Variants in AGBL3 observed in about 807,000 individuals in gnomAD.
AGBL3 encodes cytosolic carboxypeptidase 3.
Under a neutral mutation model 94.5 loss-of-function variants are expected in AGBL3, and 68 were observed. The ratio of observed to expected loss-of-function variants is 0.72; its 90% CI spans 0.59 to 0.88. The LOEUF is 0.88. AGBL3 is among the 40% of genes least tolerant of loss of function. AGBL3 has a pLI of 0.00. For missense variants in AGBL3, 934 were observed against 1,103.8 expected (o/e 0.85, Z 2.18); for synonymous variants, 354 against 370.7 (o/e 0.95, Z 0.52).
At chr7:135,119,496 CTGGGATTA>C (rs2117226760) in intron 16 of AGBL3, among the ~76,000 whole-genome samples, 1 of 151,864 alleles carries the variant, frequency 6.6e-6, no homozygotes, top group Non-Finnish European at 1.5e-5. Context: ...TCCCAAAGTG[CTGGGATTA>C]CAGGCATGAG....
chr7:135,116,561 G>T, intron 16 of AGBL3, among the ~76,000 whole-genome samples: 1 of 152,274 alleles, frequency 6.6e-6, no homozygotes, highest in South Asian at 2.1e-4. Context: ...ATTGAGTATG[G>T]AAATCTCGGC....
At chr7:135,007,121 C>T (rs2133440677) in intron 4 of AGBL3, among the ~76,000 whole-genome samples, 1 of 151,800 alleles carries the variant, frequency 6.6e-6, no homozygotes, top group East Asian at 1.9e-4. Context: ...GAACATTCTA[C>T]CAAACAATTC....
intron 16 of AGBL3, among the ~76,000 whole-genome samples, chr7:135,123,093 G>A (rs570262326): frequency 1.6e-4 from 25 of 152,174 alleles, no homozygotes; most frequent in Admixed American, 7.2e-4. Context: ...AATAAAAAAC[G>A]GCTCTGAGCT....
intron 11 of AGBL3, among the ~76,000 whole-genome samples, chr7:135,057,383 GA>G (rs1190801766): frequency 4.0e-5 from 6 of 151,312 alleles, no homozygotes; most frequent in African/African-American, 9.7e-5. Flanking sequence ...ATCCATGAAA[GA>G]AAAAAATTAG....
intron 5 of AGBL3, among the ~76,000 whole-genome samples, chr7:135,027,647 T>C (rs905542499): frequency 1.5e-4 from 23 of 151,626 alleles, no homozygotes; most frequent in African/African-American, 4.8e-4. Context: ...TCTCAATGAA[T>C]ATAGAATTCT....
intron 16 of AGBL3, among the ~76,000 whole-genome samples, chr7:135,123,424 G>C (rs1035101801): frequency 1.3e-5 from 2 of 152,150 alleles, no homozygotes; most frequent in Non-Finnish European, 1.5e-5. Flanking sequence ...ATTGATCAGA[G>C]TACCTGAGGG....
At chr7:135,073,290 AC>A (rs1451038807) in intron 12 of AGBL3, among the ~76,000 whole-genome samples, 2 of 151,726 alleles carry the variant, frequency 1.3e-5, no homozygotes, top group Admixed American at 6.6e-5. Context: ...ACATAGTGAA[AC>A]CCCGTCTCTA....
At chr7:135,119,179 G>T (rs1312416863) in intron 16 of AGBL3, among the ~76,000 whole-genome samples, 1 of 151,714 alleles carries the variant, frequency 6.6e-6, no homozygotes, top group African/African-American at 2.4e-5. Flanking sequence ...AAGCTGAGCA[G>T]ACCATTAATA....
intron 5 of AGBL3, among the ~76,000 whole-genome samples, chr7:135,027,934 T>G (rs1325196284): frequency 6.6e-6 from 1 of 151,708 alleles, no homozygotes; most frequent in Non-Finnish European, 1.5e-5. Context: ...TCCAGACCAC[T>G]GCAATAAAGT....
chr7:135,058,036 T>C (rs960034165), intron 11 of AGBL3, among the ~76,000 whole-genome samples: 3 of 152,206 alleles, frequency 2.0e-5, no homozygotes, highest in African/African-American at 7.2e-5. Flanking sequence ...TCAAAACTCA[T>C]AGAATGTATA....
chr7:135,026,253 T>TTTTATTTTTTTTA (rs1554497742), intron 5 of AGBL3, among the ~76,000 whole-genome samples: 9 of 138,648 alleles, frequency 6.5e-5, no homozygotes, highest in African/African-American at 8.1e-5. Context: ...CATTATTTTA[T>TTTTATTTTTTTTA]TTTATTTTAT....
At chr7:135,124,078 A>G (rs1827515441) in intron 16 of AGBL3, among the ~76,000 whole-genome samples, 1 of 152,252 alleles carries the variant, frequency 6.6e-6, no homozygotes, top group Admixed American at 6.5e-5. Flanking sequence ...TAAATGCCCC[A>G]GTTAAAAGAC....
intron 16 of AGBL3, among the ~76,000 whole-genome samples, chr7:135,123,687 C>T (rs1436720121): frequency 9.9e-5 from 15 of 152,116 alleles, no homozygotes; most frequent in Non-Finnish European, 2.1e-4. Flanking sequence ...AGACTAACAG[C>T]GGCCCTCTCA....
intron 6 of AGBL3, 56 bp from the exon 7 acceptor site, chr7:135,034,092 CA>C (rs1816053290): frequency 3.1e-6 from 4 of 1,306,534 alleles, no homozygotes; most frequent in Non-Finnish European, 3.0e-6. Flanking sequence ...TGGTTTTTTA[CA>C]AAATGTCATT....
At chr7:135,043,855 AT>A (rs778350474) in intron 8 of AGBL3, among the ~76,000 whole-genome samples, 169 bp from the exon 9 acceptor site, 46 of 152,326 alleles carry the variant, frequency 3.0e-4, no homozygotes, top group Admixed American at 1.0e-3. Context: ...ATGTGAACAT[AT>A]CATCCTTAAA....
At chr7:135,128,864 G>C (rs1828327555) in intron 16 of AGBL3, 1 of 1,262,610 alleles carries the variant, frequency 7.9e-7, no homozygotes, top group Non-Finnish European at 1.2e-6. Flanking sequence ...ATATGATCCA[G>C]GAAATCTTGG....
chr7:135,029,049 A>C (rs1267882016), intron 5 of AGBL3, among the ~76,000 whole-genome samples: 1 of 152,166 alleles, frequency 6.6e-6, no homozygotes, highest in Non-Finnish European at 1.5e-5. Context: ...CTGTAAACAG[A>C]TGTGGTGTCG....
At chr7:135,119,811 A>G (rs1374218242) in intron 16 of AGBL3, among the ~76,000 whole-genome samples, 2 of 152,316 alleles carry the variant, frequency 1.3e-5, no homozygotes, top group East Asian at 1.9e-4. Context: ...TGGGAGGCAG[A>G]GCTTGCAGTG....
At chr7:135,117,761 C>T (rs1826535351) in intron 16 of AGBL3, among the ~76,000 whole-genome samples, 1 of 152,318 alleles carries the variant, frequency 6.6e-6, no homozygotes, top group East Asian at 1.9e-4. Flanking sequence ...ATATCAGATA[C>T]TTTTGGGGGT....
Sources: allele counts gnomAD v4.1 joint callset (sites outside exome capture counted in the v4.1 genomes callset), GRCh38; gene constraint gnomAD v4.1.1; transcripts MANE v1.5; gene names NCBI Gene and HGNC (gene_info 2026-07-23, HGNC 2026-07-21).